Variants in ADGRB3 observed in about 807,000 individuals in gnomAD.
ADGRB3 encodes brain-specific angiogenesis inhibitor 3.
In ADGRB3, 37 loss-of-function variants were observed where a neutral mutation model predicts 193.4. The ratio of observed to expected loss-of-function variants is 0.19; its 90% CI spans 0.15 to 0.25. ADGRB3 has a LOEUF of 0.25. Ranked by LOEUF, ADGRB3 falls within the 10% of genes least tolerant of loss-of-function variation. The probability of loss-of-function intolerance (pLI) is 1.00; values close to 1 mark genes in which losing one functional copy is unlikely to be tolerated. For missense variants in ADGRB3, 1,637 were observed against 1,852.9 expected (o/e 0.88, Z 2.14); for synonymous variants, 690 against 644.2 (o/e 1.07, Z -1.08).
intron 26 of ADGRB3, among the ~76,000 whole-genome samples, chr6:69,346,555 C>T (rs1353555210): frequency 6.6e-6 from 1 of 151,942 alleles, no homozygotes; most frequent in Non-Finnish European, 1.5e-5. Flanking sequence ...TATGAACAGA[C>T]ACTTTTCAAA....
intron 13 of ADGRB3, among the ~76,000 whole-genome samples, chr6:69,047,248 A>C (rs542957239): frequency 1.1e-4 from 17 of 152,292 alleles, no homozygotes; most frequent in African/African-American, 4.1e-4. Flanking sequence ...GGACACTTGA[A>C]AATATGATAT....
intron 3 of ADGRB3, among the ~76,000 whole-genome samples, chr6:68,686,812 A>G (rs1764990474): frequency 6.6e-6 from 1 of 152,172 alleles, no homozygotes; most frequent in Admixed American, 6.6e-5. Context: ...ATTTGTTTGT[A>G]AGCTGCTAAT....
chr6:68,792,014 G>GA (rs563731080), intron 3 of ADGRB3, among the ~76,000 whole-genome samples: 14 of 152,202 alleles, frequency 9.2e-5, no homozygotes, highest in Middle Eastern at 3.4e-3. Context: ...TTTATCCAGA[G>GA]AAAAAATCTT....
At chr6:69,274,165 A>G (rs1424505128) in intron 20 of ADGRB3, among the ~76,000 whole-genome samples, 4 of 152,228 alleles carry the variant, frequency 2.6e-5, no homozygotes, top group African/African-American at 9.6e-5. Context: ...TCTCAGTTCC[A>G]AGTTACACTT....
chr6:69,228,710 A>G (rs914820029), intron 17 of ADGRB3, among the ~76,000 whole-genome samples: 2 of 152,206 alleles, frequency 1.3e-5, no homozygotes, highest in African/African-American at 2.4e-5. Context: ...ATCATAAAAT[A>G]TGTGTTTACA....
chr6:69,180,218 G>A (rs1049257156), intron 17 of ADGRB3, among the ~76,000 whole-genome samples: 1 of 152,156 alleles, frequency 6.6e-6, no homozygotes, highest in Non-Finnish European at 1.5e-5. Context: ...GCGTAGAGCA[G>A]TCCCTTCTAC....
At chr6:68,785,323 C>T (rs1186669805) in intron 3 of ADGRB3, among the ~76,000 whole-genome samples, 1 of 116,888 alleles carries the variant, frequency 8.6e-6, no homozygotes, top group Non-Finnish European at 1.7e-5. Flanking sequence ...CACCCCACAA[C>T]AGTCCCTGGT....
chr6:69,244,083 A>G (rs1766439253), intron 20 of ADGRB3, among the ~76,000 whole-genome samples: 1 of 152,006 alleles, frequency 6.6e-6, no homozygotes, highest in African/African-American at 2.4e-5. Context: ...AGCATTATTT[A>G]GGAGGAAATT....
chr6:68,738,182 T>C (rs1765908452), intron 3 of ADGRB3, among the ~76,000 whole-genome samples: 1 of 152,056 alleles, frequency 6.6e-6, no homozygotes, highest in Non-Finnish European at 1.5e-5. Context: ...GCTGGGAATT[T>C]GGAGGAAATG....
intron 17 of ADGRB3, among the ~76,000 whole-genome samples, chr6:69,114,099 T>C (rs1773453590): frequency 6.6e-6 from 1 of 152,162 alleles, no homozygotes; most frequent in African/African-American, 2.4e-5. Context: ...AGTAATTTTG[T>C]TTAAGCCACT....
At chr6:68,863,358 T>G (rs1023711891) in intron 3 of ADGRB3, among the ~76,000 whole-genome samples, 2 of 152,050 alleles carry the variant, frequency 1.3e-5, no homozygotes, top group Admixed American at 1.3e-4. Flanking sequence ...TCATCACATA[T>G]TGACTGCAAT....
At chr6:68,932,982 C>T (rs942790790) in intron 4 of ADGRB3, among the ~76,000 whole-genome samples, 8 of 149,604 alleles carry the variant, frequency 5.3e-5, no homozygotes, top group African/African-American at 1.9e-4. Context: ...GTGAGTGTGA[C>T]TTTTTTAAAA....
chr6:68,819,457 T>C (rs1281764000), intron 3 of ADGRB3, among the ~76,000 whole-genome samples: 3 of 152,004 alleles, frequency 2.0e-5, no homozygotes. Context: ...GATTACATGC[T>C]CAGATGAGTG....
intron 3 of ADGRB3, among the ~76,000 whole-genome samples, chr6:68,762,503 G>T (rs896287637): frequency 1.7e-4 from 26 of 152,054 alleles, no homozygotes; most frequent in African/African-American, 4.3e-4. Context: ...TATATAGAGA[G>T]AGAGAGAGTG....
chr6:69,076,904 C>A (rs1457152207), intron 17 of ADGRB3, among the ~76,000 whole-genome samples: 4 of 151,966 alleles, frequency 2.6e-5, no homozygotes, highest in Non-Finnish European at 5.9e-5. Context: ...CTGATATGAT[C>A]TACATCTGAG....
intron 3 of ADGRB3, among the ~76,000 whole-genome samples, chr6:68,741,279 C>G (rs765588898): frequency 6.6e-6 from 1 of 152,098 alleles, no homozygotes; most frequent in Middle Eastern, 3.2e-3. Context: ...AACTAAGGCA[C>G]CCGGAGATAA....
intron 11 of ADGRB3, among the ~76,000 whole-genome samples, chr6:68,999,732 C>T (rs189189018): frequency 1.3e-4 from 20 of 152,256 alleles, no homozygotes; most frequent in African/African-American, 4.3e-4. Context: ...AACTTTCACA[C>T]ACAACATCAT....
At chr6:68,682,322 C>G (rs1185034474) in intron 3 of ADGRB3, among the ~76,000 whole-genome samples, 1 of 152,128 alleles carries the variant, frequency 6.6e-6, no homozygotes, top group Non-Finnish European at 1.5e-5. Context: ...AGAGAATACC[C>G]TATTTGAAGA....
At chr6:69,236,151 T>TA (rs1193772273) in intron 19 of ADGRB3, among the ~76,000 whole-genome samples, 14 of 152,052 alleles carry the variant, frequency 9.2e-5, no homozygotes, top group Admixed American at 9.2e-4. Context: ...TTTGTTCTTT[T>TA]AAGAAAATGT....
Sources: allele counts gnomAD v4.1 joint callset (sites outside exome capture counted in the v4.1 genomes callset), GRCh38; gene constraint gnomAD v4.1.1; transcripts MANE v1.5; gene names NCBI Gene and HGNC (gene_info 2026-07-23, HGNC 2026-07-21).